ADORA2B: variants seen among roughly 807,000 people sequenced by gnomAD.
ADORA2B encodes the protein adenosine A2b receptor, also known as adenosine receptor A2b.
ADORA2B carries 18 observed loss-of-function variants against 20.8 expected under a neutral mutation model. The ratio of observed to expected loss-of-function variants is 0.87; its 90% CI spans 0.60 to 1.29. The LOEUF (loss-of-function observed/expected upper bound fraction) is 1.29. Among genes scored for constraint, ADORA2B ranks in the 50% most tolerant of loss-of-function variants. The pLI is 0.00. For missense variants in ADORA2B, 441 were observed against 422.7 expected (o/e 1.04, Z -0.38); for synonymous variants, 179 against 178.3 (o/e 1.00, Z -0.03).
intron 1 of ADORA2B, among the ~76,000 whole-genome samples, chr17:15,963,765 C>T (rs1167068175): frequency 6.6e-6 from 1 of 152,234 alleles, no homozygotes; most frequent in Non-Finnish European, 1.5e-5. Context: ...ATTGCCTCTT[C>T]TTGCCATAGG....
At chr17:15,882,093 G>T in the ADORA2B span, among the ~76,000 whole-genome samples, 44 of 152,192 alleles carry the variant, frequency 2.9e-4, no homozygotes, top group Non-Finnish European at 4.7e-4. Flanking sequence ...AGGAAAAGGG[G>T]AGAGTGTTTT....
the ADORA2B span, among the ~76,000 whole-genome samples, chr17:15,922,449 T>C: frequency 6.6e-6 from 1 of 152,178 alleles, no homozygotes; most frequent in African/African-American, 2.4e-5. Context: ...TATATGGGTG[T>C]AGCATCAATT....
rs190105665 is a variant in ADORA2B, at chr17:15,974,805, C to T, written c.462C>T (p.Cys154=). 3 of 1,614,128 alleles carry T rather than the reference C, an allele frequency of 1.9e-6. No individual in the cohort carries two copies. The highest frequency in any genetic ancestry group is 1.7e-5 in the Admixed American group (1 of 60,028). ...WNSKDSATNN[C]TEPWDGTTNE... is the part of the protein sequence containing the mutation. ...GTAAAGACAGTGCCACCAACAACTG[C>T]ACAGAACCCTGGGATGGAACCACGA... The change falls in exon 2 of 2, where the codon TGC becomes TGT. Residue 154 remains cysteine (C), a synonymous_variant. Transcript: ENST00000304222.
At chr17:15,872,642 TG>T in the ADORA2B span, among the ~76,000 whole-genome samples, 2 of 152,150 alleles carry the variant, frequency 1.3e-5, no homozygotes, top group Non-Finnish European at 2.9e-5. Context: ...CCTAGGTTTT[TG>T]TTTTTGTTTT....
chr17:15,964,952 C>T (rs903448013), intron 1 of ADORA2B, among the ~76,000 whole-genome samples: 5 of 152,012 alleles, frequency 3.3e-5, no homozygotes, highest in Non-Finnish European at 4.4e-5. Flanking sequence ...CCCAGCTACT[C>T]AGGAGGCTGA....
At chr17:15,972,393 TATTTC>T (rs1254496124) in intron 1 of ADORA2B, among the ~76,000 whole-genome samples, 4 of 152,374 alleles carry the variant, frequency 2.6e-5, no homozygotes, top group Middle Eastern at 3.4e-3. Flanking sequence ...AGAAGGATTT[TATTTC>T]ATTTACTTAA....
rs1233764322 is a variant in ADORA2B, at chr17:15,945,565, C to G, written c.317C>G (p.Ala106Gly). 1.3e-6 allele frequency: 2 copies of G among 1,552,006 alleles called. No individual in the cohort carries two copies. The highest frequency in any genetic ancestry group is 3.7e-5 in the Admixed American group (2 of 54,270). The change falls in exon 1 of 2, where the codon GCC (alanine) becomes GGC (glycine). Residue 106 changes from alanine to glycine, a missense_variant. Transcript: ENST00000304222. ...LLAVAVDRYLAICVPLRYKSL... is the reference protein window; with the variant it reads ...LLAVAVDRYLGICVPLRYKSL... ...GCCGTGGCAGTCGACAGATACCTGGCCATCTGTGTCCCGCTCAGGTGAGGC... is the reference window on the plus strand; with the variant it reads ...GCCGTGGCAGTCGACAGATACCTGGGCATCTGTGTCCCGCTCAGGTGAGGC...
At chr17:15,947,317 G>T (rs778285469) in intron 1 of ADORA2B, among the ~76,000 whole-genome samples, 1 of 152,238 alleles carries the variant, frequency 6.6e-6, no homozygotes, top group South Asian at 2.1e-4. Context: ...CCTTGGACTT[G>T]CCCTGGCAGA....
the ADORA2B span, among the ~76,000 whole-genome samples, chr17:15,922,155 A>C: frequency 6.6e-6 from 1 of 152,360 alleles, no homozygotes; most frequent in East Asian, 1.9e-4. Flanking sequence ...CGTGCCACTC[A>C]GTCTTCCCTT....
At chr17:15,868,789 A>G in the ADORA2B span, among the ~76,000 whole-genome samples, 1 of 149,884 alleles carries the variant, frequency 6.7e-6, no homozygotes, top group Non-Finnish European at 1.5e-5. Context: ...CCAAAAAAAA[A>G]ATACAAAAAA....
the ADORA2B span, among the ~76,000 whole-genome samples, chr17:15,932,472 G>A: frequency 1.4e-5 from 2 of 144,044 alleles, no homozygotes; most frequent in African/African-American, 2.6e-5. Context: ...CAGCCTGGGC[G>A]ACAGAGCAAG....
the ADORA2B span, among the ~76,000 whole-genome samples, chr17:15,900,351 C>G: frequency 6.6e-6 from 1 of 152,186 alleles, no homozygotes; most frequent in African/African-American, 2.4e-5. Context: ...TCCACAGTGG[C>G]TGTACTAATT....
chr17:15,946,614 T>A (rs1239800088), intron 1 of ADORA2B, among the ~76,000 whole-genome samples: 1 of 152,216 alleles, frequency 6.6e-6, no homozygotes, highest in Admixed American at 6.5e-5. Flanking sequence ...GCCAACTCTG[T>A]GCAGACAGTT....
chr17:15,956,158 C>T (rs1314085975), intron 1 of ADORA2B, among the ~76,000 whole-genome samples: 1 of 152,130 alleles, frequency 6.6e-6, no homozygotes, highest in African/African-American at 2.4e-5. Context: ...TTTTAGCATT[C>T]ATATGTTTAC....
the ADORA2B span, among the ~76,000 whole-genome samples, chr17:15,914,729 G>A: frequency 6.6e-6 from 1 of 152,208 alleles, no homozygotes; most frequent in Non-Finnish European, 1.5e-5. Flanking sequence ...CAAGCTAACT[G>A]TTTCATCTAA....
chr17:15,950,011 C>T (rs1969876295), intron 1 of ADORA2B, among the ~76,000 whole-genome samples: 1 of 152,130 alleles, frequency 6.6e-6, no homozygotes, highest in Non-Finnish European at 1.5e-5. Flanking sequence ...GATGATGGCC[C>T]CCTGCAAAAC....
At chr17:15,938,925 T>G in the ADORA2B span, among the ~76,000 whole-genome samples, 3 of 152,220 alleles carry the variant, frequency 2.0e-5, no homozygotes, top group African/African-American at 7.2e-5. Flanking sequence ...ACCTCCCTTA[T>G]TTGTTTAGTT....
chr17:15,952,551 C>G (rs1969918874), intron 1 of ADORA2B, among the ~76,000 whole-genome samples: 2 of 152,172 alleles, frequency 1.3e-5, no homozygotes, highest in South Asian at 4.1e-4. Flanking sequence ...GAGGTCACCC[C>G]CAAACACCCC....
At chr17:15,859,329 C>A in the ADORA2B span, among the ~76,000 whole-genome samples, 1 of 151,760 alleles carries the variant, frequency 6.6e-6, no homozygotes, top group Admixed American at 6.6e-5. Context: ...ACATTGAGAT[C>A]ATCAGAAGCT....
Sources: gnomAD v4.1 joint callset for allele counts (sites outside exome capture counted in the v4.1 genomes callset) on GRCh38, gnomAD v4.1.1 for gene constraint, MANE v1.5 for transcripts, NCBI Gene and HGNC (gene_info 2026-07-23, HGNC 2026-07-21) for gene names.